Variants in GOLGA4 observed in about 807,000 individuals in gnomAD.
The protein encoded by GOLGA4 is golgin A4, also known as golgin subfamily A member 4.
In GOLGA4, 169 loss-of-function variants were observed where a neutral mutation model predicts 265.9. The observed-to-expected ratio is 0.64, with a 90% confidence interval of 0.56 to 0.72. GOLGA4 has a LOEUF of 0.72. Among genes scored for constraint, GOLGA4 ranks in the 30% least tolerant of loss-of-function variants. The pLI is 0.00. For missense variants in GOLGA4, 2,482 were observed against 2,483.4 expected, an observed-to-expected ratio of 1.00 and a Z score of 0.01; for synonymous variants, 923 against 855.8, an observed-to-expected ratio of 1.08 and a Z score of -1.37.
chr3:37,282,190 A>G lies in GOLGA4; in HGVS notation c.395A>G (p.Asp132Gly). 6.2e-7 allele frequency: 1 copy of G among 1,614,104 alleles called. No homozygotes were observed. Among genetic ancestry groups the G allele is most frequent in the Non-Finnish European group, 8.5e-7 (1 of 1,179,940 alleles). The change falls in exon 3 of 24, where the codon GAC (aspartate) becomes GGC (glycine). Residue 132 changes from aspartate to glycine, a missense_variant. Physicochemically the swap from Asp to Gly is moderately conservative, Grantham distance 94. Transcript: ENST00000361924. Reference protein sequence around the residue: ...SEAEDLVGNSDSLNKEQLIQR... With the variant: ...SEAEDLVGNSGSLNKEQLIQR... ...GCTGAAGACTTGGTAGGGAATTCAG[A>G]CAGTCTCAACAAAGAACAGTTGATT...
chr3:37,245,206 A>G (rs182468407), intron 1 of GOLGA4: 6 of 152,788 alleles, frequency 3.9e-5, no homozygotes, highest in African/African-American at 1.2e-4. Context: ...TTACTGTGTC[A>G]TTAGTATGTA....
rs751168191 is a variant in GOLGA4, at chr3:37,325,124, A to G, written c.3238A>G (p.Ile1080Val). 2 of 1,613,376 alleles carry G rather than the reference A, an allele frequency of 1.2e-6. No individual in the cohort carries two copies. Among genetic ancestry groups the G allele is most frequent in the Non-Finnish European group, 1.7e-6 (2 of 1,179,512 alleles). The change falls in exon 14 of 24, where the codon ATC becomes GTC. Residue 1080 changes from isoleucine to valine, a missense_variant. By Grantham distance (29) the Ile-to-Val change is conservative (BLOSUM62 3). Coordinates refer to ENST00000361924, the MANE Select transcript of GOLGA4 (RefSeq NM_002078.5). The part of the protein sequence containing the change: ...EQEVAELKQK[I>V]LLFGCEKEEM... Reference sequence around the variant, plus strand: ...AGAGGTAGCAGAACTGAAACAAAAGATCCTCCTATTTGGGTGTGAAAAAGA... The same window carrying G: ...AGAGGTAGCAGAACTGAAACAAAAGGTCCTCCTATTTGGGTGTGAAAAAGA...
At chr3:37,265,118 TGTG>T (rs1318115662) in intron 2 of GOLGA4, among the ~76,000 whole-genome samples, 3 of 35,636 alleles carry the variant, frequency 8.4e-5, no homozygotes, top group African/African-American at 5.3e-4. Context: ...ATGCTCATAT[TGTG>T]TGTGTGTGTG....
At chr3:37,318,468 C>G (rs2096944223) in intron 11 of GOLGA4, among the ~76,000 whole-genome samples, 1 of 152,020 alleles carries the variant, frequency 6.6e-6, no homozygotes, top group Non-Finnish European at 1.5e-5. Context: ...TTATAATATG[C>G]TGTTTGGTAG....
chr3:37,322,215 T>C (rs965090976), intron 13 of GOLGA4, among the ~76,000 whole-genome samples: 2 of 152,154 alleles, frequency 1.3e-5, no homozygotes, highest in Non-Finnish European at 2.9e-5. Context: ...ATACTTGCCC[T>C]GGCACCTTTC....
intron 9 of GOLGA4, 102 bp from the exon 10 acceptor site, chr3:37,302,083 A>ACCATGCC: frequency 1.0e-6 from 1 of 966,088 alleles, no homozygotes; most frequent in Non-Finnish European, 1.6e-6. Context: ...GTCACCATGC[A>ACCATGCC]CCATGCCCGG....
chr3:37,364,350 C>T (rs182570288), intron 23 of GOLGA4, among the ~76,000 whole-genome samples: 1 of 152,082 alleles, frequency 6.6e-6, no homozygotes, highest in Non-Finnish European at 1.5e-5. Context: ...AAGTGATTCT[C>T]CTGCCTCAGC....
chr3:37,304,203 T>A (rs2096900453), intron 10 of GOLGA4, among the ~76,000 whole-genome samples: 1 of 152,148 alleles, frequency 6.6e-6, no homozygotes, highest in Admixed American at 6.5e-5. Flanking sequence ...GGTCCTTGAA[T>A]TTGGCAAGGA....
chr3:37,253,248 C>CA (rs34065337), intron 2 of GOLGA4, among the ~76,000 whole-genome samples: 2,062 of 111,302 alleles, frequency 0.019, 21 homozygotes, highest in African/African-American at 0.046. Context: ...CCCTGTCTTT[C>CA]AAAAAAAAAA....
At chr3:37,338,265 TG>T (rs1401205704) in intron 19 of GOLGA4, among the ~76,000 whole-genome samples, 1 of 152,238 alleles carries the variant, frequency 6.6e-6, no homozygotes, top group East Asian at 1.9e-4. Flanking sequence ...AGGCTAAGTT[TG>T]AAGGCTAAAT....
intron 14 of GOLGA4, 78 bp from the exon 15 acceptor site, chr3:37,328,338 A>G (rs1481380504): frequency 2.1e-6 from 3 of 1,405,688 alleles, no homozygotes; most frequent in Non-Finnish European, 2.9e-6. Flanking sequence ...TACTGTATGC[A>G]CTGTTTTAAA....
intron 16 of GOLGA4, among the ~76,000 whole-genome samples, chr3:37,331,339 C>T (rs987994497): frequency 6.6e-6 from 1 of 152,082 alleles, no homozygotes; most frequent in African/African-American, 2.4e-5. Context: ...AATAGTGTAG[C>T]CTTAGACTTT....
intron 2 of GOLGA4, among the ~76,000 whole-genome samples, chr3:37,262,471 C>T (rs115601355): frequency 2.4e-3 from 358 of 151,902 alleles, no homozygotes; most frequent in African/African-American, 8.0e-3. Context: ...GATGGCACCA[C>T]TTCCTGGGTG....
chr3:37,299,632 A>G (rs2096887597), intron 9 of GOLGA4, among the ~76,000 whole-genome samples: 1 of 152,230 alleles, frequency 6.6e-6, no homozygotes, highest in African/African-American at 2.4e-5. Flanking sequence ...GTTTATATTT[A>G]TAGTACATAA....
chr3:37,321,942 TTTG>T lies in GOLGA4; in HGVS notation c.1701+61_1701+63del, dbSNP rs2096956117. On this transcript the variant is annotated intron_variant, in intron 13 of 23. Transcript: ENST00000361924. ...TTGTGAAATTATTTGCATATGAAAA[TTTG>T]TTGTCTCTAGTCAGTATAAAGTTTC... is the stretch of plus-strand genomic sequence containing the variant. 7.7e-6 allele frequency: 11 copies of T among 1,424,206 alleles called. No individual in the cohort carries two copies. In the South Asian group the frequency reaches 1.3e-4, roughly 17 times the overall value. 88.2% of individuals were successfully genotyped at this position (1,424,206 alleles called of 1,614,324 possible). A position where few individuals can be genotyped will look rare whatever the true frequency, so the allele number is the denominator to read the frequency against.
chr3:37,258,211 A>G (rs1292145135), intron 2 of GOLGA4, among the ~76,000 whole-genome samples: 1 of 146,394 alleles, frequency 6.8e-6, no homozygotes, highest in Non-Finnish European at 1.5e-5. Context: ...TATATATAGC[A>G]TATATATATG....
intron 19 of GOLGA4, among the ~76,000 whole-genome samples, chr3:37,339,051 A>T (rs1393901160): frequency 2.0e-5 from 3 of 151,714 alleles, no homozygotes; most frequent in Non-Finnish European, 4.4e-5. Flanking sequence ...TTTAGTAGAG[A>T]CGGGGTTTCA....
In GOLGA4 at chr3:37,276,318, A is replaced by G. The variant is rs1301761119; in HGVS notation, c.163-5640A>G. 15 of 1,604,502 alleles carry G rather than the reference A, an allele frequency of 9.3e-6. No individual in the cohort carries two copies. The Admixed American group carries it at 2.5e-4, about 27-fold the overall frequency. On this transcript the variant is annotated intron_variant, in intron 2 of 23. Coordinates refer to ENST00000361924, the MANE Select transcript of GOLGA4 (RefSeq NM_002078.5). ...GCAAAAAATCCAAATTTAAGGAAAAATGTCCTCTGTGGGAATATTCCTCCT... is the reference window on the plus strand; with the variant it reads ...GCAAAAAATCCAAATTTAAGGAAAAGTGTCCTCTGTGGGAATATTCCTCCT...
At chr3:37,282,801 C>T (rs1220582475) in intron 3 of GOLGA4, among the ~76,000 whole-genome samples, 1 of 152,176 alleles carries the variant, frequency 6.6e-6, no homozygotes, top group Non-Finnish European at 1.5e-5. Context: ...TTGAGAATGA[C>T]ACTCCCTGTT....
Sources: gnomAD v4.1 joint callset for allele counts (sites outside exome capture counted in the v4.1 genomes callset) on GRCh38, gnomAD v4.1.1 for gene constraint, MANE v1.5 for transcripts, NCBI Gene and HGNC (gene_info 2026-07-23, HGNC 2026-07-21) for gene names.